The following VAPB variants were observed in gnomAD, a reference collection of about 807,000 sequenced individuals.
VAPB encodes VAMP associated protein B and C.
In VAPB, 7 loss-of-function variants were observed where a neutral mutation model predicts 25.6. The ratio of observed to expected loss-of-function variants is 0.27; its 90% confidence interval spans 0.16 to 0.51. VAPB has a LOEUF of 0.51. Ranked by LOEUF, VAPB falls within the 20% of genes least tolerant of loss-of-function variation. VAPB has a pLI of 0.97. For synonymous variants in VAPB, 112 were observed against 109.2 expected (o/e 1.03, Z -0.16); for missense variants, 266 against 301.3 (o/e 0.88, Z 0.87).
rs759590195 is a variant in VAPB, at chr20:58,450,142, C to CG, written c.*5907_*5908insG. 1.7e-4 allele frequency: 77 copies of CG among 454,136 alleles called. No homozygotes were observed. The highest frequency in any genetic ancestry group is 1.1e-3 in the South Asian group (70 of 64,480). The allele number at this position is 454,136 out of a possible 1,614,324, so 28.1% of individuals were successfully genotyped here. A position where few individuals can be genotyped will look rare whatever the true frequency, so the allele number is the denominator to read the frequency against. ...GCTGTTTCTCCGAACTGGCTGCCTG[C>CG]ATTCCCGTCTTTCTTTTGTTTTTAA... On this transcript the variant is annotated 3_prime_UTR_variant, in exon 6 of 6. Transcript: ENST00000475243.
chr20:58,414,402 G>T (rs1253649238), intron 1 of VAPB, among the ~76,000 whole-genome samples: 1 of 151,084 alleles, frequency 6.6e-6, no homozygotes, highest in Non-Finnish European at 1.5e-5. Flanking sequence ...GTGGCCGCCG[G>T]GCGGAGAGGC....
chr20:58,397,691 A>G (rs1600771971), intron 1 of VAPB, among the ~76,000 whole-genome samples: 3 of 152,192 alleles, frequency 2.0e-5, no homozygotes, highest in Non-Finnish European at 4.4e-5. Context: ...AGGAATGTCT[A>G]AAATAAATGA....
chr20:58,390,524 T>C (rs1987769023), intron 1 of VAPB, among the ~76,000 whole-genome samples: 1 of 152,082 alleles, frequency 6.6e-6, no homozygotes, highest in Non-Finnish European at 1.5e-5. Context: ...AGGCCTCTGC[T>C]CTCACAGAGC....
Position 58,423,414 on chromosome 20 carries a change from C to CAAAAAAAAAAAAAA in VAPB, c.211+5073_211+5086dup, listed in dbSNP as rs59133081. ...GCAACAAGAGAGAAACTCCATCTCACAAAAAAAAAAAAAAAAAAAAAAAAA... is the reference window on the plus strand; with the variant it reads ...GCAACAAGAGAGAAACTCCATCTCACAAAAAAAAAAAAAAAAAAAAAAAAAAAAAAAAAAAAAAA... On this transcript the variant is annotated intron_variant, in intron 2 of 5. Transcript: ENST00000475243. Among the ~76,000 whole-genome samples the CAAAAAAAAAAAAAA allele has an allele frequency of 5.2e-4, 18 of 34,764 alleles. 3 individuals carry two copies. The highest frequency in any genetic ancestry group is 1.7e-3 in the South Asian group (1 of 576). The allele number at this position is 34,764 out of a possible 152,430, so 22.8% of individuals were successfully genotyped here.
rs535337298 is a variant in VAPB, at chr20:58,422,769, C to A, written c.211+4406C>A. 4.6e-5 allele frequency among the ~76,000 whole-genome samples: 7 copies of A among 152,194 alleles called. No individual in the cohort carries two copies. In the South Asian group the frequency reaches 1.5e-3, roughly 32 times the overall value. ...GATATTAAGTTTAATATTTTTATAACCTTCACTGAATTCTAATTTCACTAA... is the reference window on the plus strand; with the variant it reads ...GATATTAAGTTTAATATTTTTATAAACTTCACTGAATTCTAATTTCACTAA... On this transcript the variant is annotated intron_variant, in intron 2 of 5. Transcript: ENST00000475243.
At chr20:58,417,813 C>T (rs540106075) in intron 1 of VAPB, among the ~76,000 whole-genome samples, 1 of 152,290 alleles carries the variant, frequency 6.6e-6, no homozygotes, top group South Asian at 2.1e-4. Flanking sequence ...CTGTGGAAAT[C>T]AGTATTTAGC....
intron 2 of VAPB, among the ~76,000 whole-genome samples, chr20:58,429,210 C>A (rs1268039761): frequency 6.6e-6 from 1 of 151,730 alleles, no homozygotes; most frequent in African/African-American, 2.4e-5. Context: ...CCACCTTATA[C>A]CCAGAACTTC....
chr20:58,430,233 A>G (rs1988897524), intron 2 of VAPB, among the ~76,000 whole-genome samples: 1 of 147,156 alleles, frequency 6.8e-6, no homozygotes, highest in African/African-American at 2.5e-5. Flanking sequence ...ACATTTTTTC[A>G]TTTTTTGCCA....
chr20:58,429,619 T>C (rs1600808396), intron 2 of VAPB, among the ~76,000 whole-genome samples: 1 of 152,222 alleles, frequency 6.6e-6, no homozygotes, highest in Non-Finnish European at 1.5e-5. Flanking sequence ...TAGAGGAGCA[T>C]AGGGAACGCC....
rs561986670 is a variant in VAPB at position 58,446,144 on chromosome 20, G to A, written c.*1909G>A. On this transcript the variant is annotated 3_prime_UTR_variant, in exon 6 of 6. Coordinates refer to ENST00000475243, the MANE Select transcript of VAPB (RefSeq NM_004738.5). ...CTTAGTTGTTACCCAGGCACCCATG[G>A]ATTGTGTTGAGTGTGCAGACAGGGA... 131 of 454,072 alleles carry A rather than the reference G, an allele frequency of 2.9e-4. 2 individuals carry two copies. Among genetic ancestry groups the A allele is most frequent in the South Asian group, 2.0e-3 (131 of 64,478 alleles). 28.1% of individuals were successfully genotyped at this position (454,072 alleles called of 1,614,324 possible).
chr20:58,409,251 A>G lies in VAPB; in HGVS notation c.59-8960A>G, dbSNP rs560742182. 1.6e-4 allele frequency among the ~76,000 whole-genome samples: 24 copies of G among 152,364 alleles called. No homozygotes were observed. In the South Asian group the frequency reaches 5.0e-3, roughly 32 times the overall value. ...GAAGGGGAAGATTTACATAAACAAG[A>G]AAAGAAATAATGTGGGGATTGGTGC... On this transcript the variant is annotated intron_variant, in intron 1 of 5. Coordinates refer to ENST00000475243, the MANE Select transcript of VAPB (RefSeq NM_004738.5).
intron 1 of VAPB, among the ~76,000 whole-genome samples, chr20:58,410,006 G>A (rs2064383): frequency 0.083 from 12,580 of 151,928 alleles, 757 homozygotes; most frequent in East Asian, 0.26. Context: ...ACTACCGAAA[G>A]TGAATTAATA....
chr20:58,398,033 C>G (rs1007476606), intron 1 of VAPB, among the ~76,000 whole-genome samples: 9 of 152,286 alleles, frequency 5.9e-5, no homozygotes, highest in Admixed American at 1.3e-4. Flanking sequence ...CCTCAGAAAC[C>G]CATTGTCAGT....
In VAPB at chr20:58,389,337, C is replaced by T. The variant is rs967680383; in HGVS notation, c.-123C>T. 4.3e-6 allele frequency: 5 copies of T among 1,157,490 alleles called. No homozygotes were observed. In the African/African-American group the frequency reaches 6.3e-5, roughly 15 times the overall value. 71.7% of individuals were successfully genotyped at this position (1,157,490 alleles called of 1,614,324 possible). ...AGCGCGCCCACCCGGTAGAGGACCC[C>T]CGCCCGTGCCCCGACCGGTCCCCGC... On this transcript the variant is annotated 5_prime_UTR_variant, in exon 1 of 6. Transcript: ENST00000475243.
intron 1 of VAPB, among the ~76,000 whole-genome samples, chr20:58,413,638 C>T (rs1447108654): frequency 6.6e-6 from 1 of 151,866 alleles, no homozygotes; most frequent in Non-Finnish European, 1.5e-5. Context: ...GTCATCCTGG[C>T]CCGTTCTCAA....
chr20:58,417,605 C>T (rs1249567858), intron 1 of VAPB, among the ~76,000 whole-genome samples: 3 of 152,172 alleles, frequency 2.0e-5, no homozygotes, highest in Non-Finnish European at 1.5e-5. Flanking sequence ...CCCAGCAGGA[C>T]TCTGAACTTC....
At chr20:58,431,830 G>T (rs1257419883) in intron 2 of VAPB, among the ~76,000 whole-genome samples, 1 of 152,060 alleles carries the variant, frequency 6.6e-6, no homozygotes, top group South Asian at 2.1e-4. Context: ...AAGTGCTGGT[G>T]TTACAGTTGT....
intron 2 of VAPB, among the ~76,000 whole-genome samples, chr20:58,430,881 T>A (rs2123082647): frequency 6.6e-6 from 1 of 152,306 alleles, no homozygotes; most frequent in South Asian, 2.1e-4. Flanking sequence ...CTGCTGCACA[T>A]TTCTTTAGTG....
At position 58,389,310 on chromosome 20, in the gene VAPB, C is replaced by CCA. The variant is rs1987719390; in HGVS notation, c.-149_-148dup. 1 of 724,414 alleles carries CCA rather than the reference C, an allele frequency of 1.4e-6. No individual in the cohort carries two copies. The highest frequency in any genetic ancestry group is 2.3e-6 in the Non-Finnish European group (1 of 427,588). The allele number at this position is 724,414 out of a possible 1,614,324, so 44.9% of individuals were successfully genotyped here. On this transcript the variant is annotated 5_prime_UTR_variant, in exon 1 of 6. Transcript: ENST00000475243. ...CTGCACCGCGTAGACCGACCCCCCC[C>CCA]CAGCGCGCCCACCCGGTAGAGGACC...
Sources: gnomAD v4.1 joint callset for allele counts (sites outside exome capture counted in the v4.1 genomes callset) on GRCh38, gnomAD v4.1.1 for gene constraint, MANE v1.5 for transcripts, NCBI Gene and HGNC (gene_info 2026-07-23, HGNC 2026-07-21) for gene names.